Variants in FGGY observed in about 807,000 individuals in gnomAD.
FGGY encodes FGGY carbohydrate kinase domain containing, also known as FGGY carbohydrate kinase domain-containing protein.
FGGY carries 72 observed loss-of-function variants against 71.3 expected under a neutral mutation model. The ratio of observed to expected loss-of-function variants is 1.01; its 90% confidence interval spans 0.84 to 1.23. FGGY has a LOEUF of 1.23. Among genes scored for constraint, FGGY ranks in the 50% most tolerant of loss-of-function variants. FGGY has a pLI of 0.00. For missense variants in FGGY, 668 were observed against 682.3 expected (o/e 0.98, Z 0.23); for synonymous variants, 251 against 250.3 (o/e 1.00, Z -0.02).
intron 6 of FGGY, among the ~76,000 whole-genome samples, chr1:59,497,501 T>C (rs971160777): frequency 6.6e-6 from 1 of 152,056 alleles, no homozygotes; most frequent in African/African-American, 2.4e-5. Context: ...GGCAGGAGAA[T>C]AGTTTGAAGC....
chr1:59,710,185 T>C, intron 14 of FGGY, among the ~76,000 whole-genome samples: 1 of 152,094 alleles, frequency 6.6e-6, no homozygotes, highest in Non-Finnish European at 1.5e-5. Context: ...AAACACAGAT[T>C]CAAAGATAAA....
intron 10 of FGGY, among the ~76,000 whole-genome samples, chr1:59,634,675 T>A (rs2096939782): frequency 6.6e-6 from 1 of 151,944 alleles, no homozygotes; most frequent in African/African-American, 2.4e-5. Flanking sequence ...AAAAAAAAAA[T>A]CTTCTTTGAT....
intron 6 of FGGY, among the ~76,000 whole-genome samples, chr1:59,506,877 C>T (rs1184043453): frequency 6.6e-6 from 1 of 152,104 alleles, no homozygotes. Flanking sequence ...AAAGAAATCA[C>T]TCATAATTCC....
Position 59,378,801 on chromosome 1 carries a change from A to C in FGGY, c.518A>C (p.Asp173Ala). The C allele has an allele frequency of 6.2e-7, 1 of 1,613,530 alleles. No individual in the cohort carries two copies. The highest frequency in any genetic ancestry group is 2.2e-5 in the East Asian group (1 of 44,862). ...DKAGHFFDLP[D>A]FLSWKATGVT... is the part of the protein sequence containing the mutation. ...GCGGGACATTTCTTTGATCTCCCGG[A>C]CTTCTTATCGTGGAAGGCAACAGGT... is the stretch of plus-strand genomic sequence containing the variant. The change falls in exon 5 of 16, where the codon GAC becomes GCC. Residue 173 changes from aspartate (D) to alanine (A), a missense_variant. Transcript: ENST00000303721.
chr1:59,348,172 C>T (rs116129630), intron 4 of FGGY, among the ~76,000 whole-genome samples: 2,603 of 152,206 alleles, frequency 0.017, 76 homozygotes, highest in African/African-American at 0.059. Flanking sequence ...CTTTTAATAC[C>T]CAGTATTCTA....
chr1:59,541,553 A>C (rs971197343), intron 7 of FGGY, among the ~76,000 whole-genome samples: 2 of 152,234 alleles, frequency 1.3e-5, no homozygotes, highest in African/African-American at 4.8e-5. Flanking sequence ...ACAAGAAAAC[A>C]GAACTGACTT....
At chr1:59,534,781 T>C (rs1380395932) in intron 7 of FGGY, among the ~76,000 whole-genome samples, 1 of 151,924 alleles carries the variant, frequency 6.6e-6, no homozygotes, top group African/African-American at 2.4e-5. Context: ...AAGCAAATGC[T>C]GAGAGATTTT....
At chr1:59,302,520 G>A (rs536027861) in intron 1 of FGGY, among the ~76,000 whole-genome samples, 3 of 152,182 alleles carry the variant, frequency 2.0e-5, no homozygotes, top group African/African-American at 7.2e-5. Context: ...CAGCATGGAT[G>A]GAGCAAGCTG....
chr1:59,729,812 C>G (rs2098001553), intron 14 of FGGY, among the ~76,000 whole-genome samples: 1 of 152,154 alleles, frequency 6.6e-6, no homozygotes, highest in Non-Finnish European at 1.5e-5. Flanking sequence ...GCCCCTACTC[C>G]TTTAGGTGAG....
intron 6 of FGGY, among the ~76,000 whole-genome samples, chr1:59,480,744 T>C (rs2153566022): frequency 6.6e-6 from 1 of 152,180 alleles, no homozygotes; most frequent in Non-Finnish European, 1.5e-5. Flanking sequence ...AGCAATATGA[T>C]GTGGGAAGAA....
chr1:59,493,433 A>G (rs1206613789), intron 6 of FGGY, among the ~76,000 whole-genome samples: 1 of 152,194 alleles, frequency 6.6e-6, no homozygotes, highest in African/African-American at 2.4e-5. Context: ...ATATATACAC[A>G]TAACAGAATA....
At chr1:59,700,771 C>G (rs981311304) in intron 14 of FGGY, among the ~76,000 whole-genome samples, 1 of 152,066 alleles carries the variant, frequency 6.6e-6, no homozygotes, top group African/African-American at 2.4e-5. Context: ...CAAAAGAAAG[C>G]AAAGTGATAT....
At chr1:59,712,789 G>A (rs2185003) in intron 14 of FGGY, among the ~76,000 whole-genome samples, 1 of 152,306 alleles carries the variant, frequency 6.6e-6, no homozygotes, top group African/African-American at 2.4e-5. Flanking sequence ...CTCCAGGCTT[G>A]TGATGGGAGG....
intron 11 of FGGY, among the ~76,000 whole-genome samples, chr1:59,639,283 T>C (rs780927620): frequency 5.3e-5 from 8 of 152,202 alleles, no homozygotes; most frequent in Non-Finnish European, 1.0e-4. Flanking sequence ...GTTAGTTTTA[T>C]TGAGATTGTT....
intron 1 of FGGY, among the ~76,000 whole-genome samples, chr1:59,298,802 C>T (rs1190521943): frequency 1.3e-5 from 2 of 152,192 alleles, no homozygotes; most frequent in African/African-American, 4.8e-5. Context: ...CACTTACCTT[C>T]TCACCCGCCC....
At chr1:59,754,562 G>T (rs1463439797) in intron 14 of FGGY, among the ~76,000 whole-genome samples, 3 of 152,120 alleles carry the variant, frequency 2.0e-5, no homozygotes, top group African/African-American at 7.2e-5. Context: ...GGGACCACAG[G>T]CACATGCCAC....
intron 5 of FGGY, among the ~76,000 whole-genome samples, chr1:59,419,024 T>C (rs1011966192): frequency 6.6e-6 from 1 of 152,178 alleles, no homozygotes; most frequent in South Asian, 2.1e-4. Flanking sequence ...TTGGTATGGC[T>C]GAAAACTGGC....
At chr1:59,542,700 C>T (rs962464559) in intron 7 of FGGY, among the ~76,000 whole-genome samples, 4 of 152,082 alleles carry the variant, frequency 2.6e-5, no homozygotes, top group African/African-American at 9.7e-5. Context: ...AGGTGATCTG[C>T]CTGCCTTGGC....
intron 14 of FGGY, among the ~76,000 whole-genome samples, chr1:59,745,926 G>C (rs994877173): frequency 2.6e-4 from 40 of 152,162 alleles, no homozygotes; most frequent in Non-Finnish European, 5.6e-4. Flanking sequence ...AGTGGCTGTT[G>C]GTATATTGTA....
Sources: allele counts gnomAD v4.1 joint callset (sites outside exome capture counted in the v4.1 genomes callset), GRCh38; gene constraint gnomAD v4.1.1; transcripts MANE v1.5; gene names NCBI Gene and HGNC (gene_info 2026-07-23, HGNC 2026-07-21).